The following SHISA9 variants were observed in gnomAD, a reference collection of about 807,000 sequenced individuals.
SHISA9 encodes the protein protein shisa-9.
SHISA9 carries 13 observed loss-of-function variants against 38.0 expected under a neutral mutation model. That is an observed-to-expected ratio of 0.34 (90% CI 0.22 to 0.54). The LOEUF (loss-of-function observed/expected upper bound fraction) is 0.54, where lower values mean the gene tolerates loss of function less well. Ranked by LOEUF, SHISA9 falls within the 20% of genes least tolerant of loss-of-function variation. SHISA9 has a pLI of 0.91. For synonymous variants in SHISA9, 275 were observed against 242.0 expected, an observed-to-expected ratio of 1.14 and a Z score of -1.27; for missense variants, 538 against 575.8, an observed-to-expected ratio of 0.93 and a Z score of 0.67.
chr16:13,027,682 G>T (rs1320677288), intron 2 of SHISA9, among the ~76,000 whole-genome samples: 1 of 151,940 alleles, frequency 6.6e-6, no homozygotes, highest in African/African-American at 2.4e-5. Context: ...AGTGTATAGT[G>T]TTGGGAGGCT....
intron 2 of SHISA9, among the ~76,000 whole-genome samples, chr16:13,076,030 T>A (rs2073577422): frequency 9.2e-6 from 1 of 108,148 alleles, no homozygotes; most frequent in Non-Finnish European, 1.8e-5. Flanking sequence ...GAGAAATAGA[T>A]TTTTTTTTTT....
chr16:13,466,371 C>T, the SHISA9 span, among the ~76,000 whole-genome samples: 7 of 152,100 alleles, frequency 4.6e-5, no homozygotes, highest in African/African-American at 7.2e-5. Flanking sequence ...ACAGGAGATC[C>T]GTTAGGGCAT....
the SHISA9 span, among the ~76,000 whole-genome samples, chr16:13,476,367 G>T: frequency 1.3e-5 from 2 of 152,082 alleles, no homozygotes; most frequent in Non-Finnish European, 2.9e-5. Context: ...GTCTGTTAGG[G>T]AGATGGATTT....
chr16:13,561,576 C>T, the SHISA9 span, among the ~76,000 whole-genome samples: 1 of 152,184 alleles, frequency 6.6e-6, no homozygotes, highest in Non-Finnish European at 1.5e-5. Context: ...CCAAAGCGTG[C>T]TGATCCTTCA....
chr16:13,206,771 AC>A (rs1435282234), intron 3 of SHISA9, among the ~76,000 whole-genome samples: 2 of 152,186 alleles, frequency 1.3e-5, no homozygotes, highest in African/African-American at 4.8e-5. Flanking sequence ...GCCCAGCTCA[AC>A]CCTCGTTATG....
chr16:13,499,899 C>T, the SHISA9 span, among the ~76,000 whole-genome samples: 882 of 152,296 alleles, frequency 5.8e-3, 3 homozygotes, highest in Middle Eastern at 0.048. Flanking sequence ...TGAGCAGGAA[C>T]GATGTGCCTG....
chr16:13,181,312 T>TATACAC (rs1555468744), intron 2 of SHISA9, among the ~76,000 whole-genome samples: 37 of 34,038 alleles, frequency 1.1e-3, no homozygotes, highest in South Asian at 3.3e-3. Context: ...TATATATATA[T>TATACAC]ACACACACAC....
chr16:13,422,891 G>A, the SHISA9 span, among the ~76,000 whole-genome samples: 25,664 of 152,132 alleles, frequency 0.17, 2,819 homozygotes, highest in East Asian at 0.37. Context: ...CTTATTGCAC[G>A]TGAGAGCTAA....
At chr16:12,966,864 C>T (rs970237119) in intron 2 of SHISA9, among the ~76,000 whole-genome samples, 9 of 152,202 alleles carry the variant, frequency 5.9e-5, no homozygotes, top group African/African-American at 4.8e-5. Flanking sequence ...GTTAAATATT[C>T]ATCTTCCTGT....
chr16:13,317,999 T>TC, the SHISA9 span, among the ~76,000 whole-genome samples: 1 of 13,492 alleles, frequency 7.4e-5, no homozygotes, highest in Non-Finnish European at 1.4e-4. Flanking sequence ...AAATGCCTTG[T>TC]TTTTTTTTTT....
rs117604624 is a variant in SHISA9 at position 13,014,088 on chromosome 16, G to C, written c.691+97273G>C. 6.6e-3 allele frequency among the ~76,000 whole-genome samples: 999 copies of C among 152,290 alleles called. 7 individuals are homozygous for C. The highest frequency in any genetic ancestry group is 0.02 in the Middle Eastern group (6 of 294). ...AGGAACTGTGTCAGGAGGTGCACCT[G>C]CCTCATAAGAACTCAGTGAGACAGG... On this transcript the variant is annotated intron_variant, in intron 2 of 4. Transcript: ENST00000558583.
the SHISA9 span, among the ~76,000 whole-genome samples, chr16:13,353,167 G>A: frequency 6.6e-6 from 1 of 152,144 alleles, no homozygotes; most frequent in African/African-American, 2.4e-5. Context: ...ACCTAGAGTG[G>A]GAGAGATTAA....
At chr16:13,377,180 A>C in the SHISA9 span, among the ~76,000 whole-genome samples, 1 of 152,208 alleles carries the variant, frequency 6.6e-6, no homozygotes, top group East Asian at 1.9e-4. Context: ...TCAGAGAATG[A>C]GGCTCTTATT....
At chr16:13,405,712 A>G in the SHISA9 span, among the ~76,000 whole-genome samples, 1 of 152,200 alleles carries the variant, frequency 6.6e-6, no homozygotes, top group Admixed American at 6.5e-5. Context: ...CTTATAAGCA[A>G]GAACATGTGG....
At chr16:13,185,001 A>G (rs1011491943) in intron 2 of SHISA9, among the ~76,000 whole-genome samples, 5 of 152,168 alleles carry the variant, frequency 3.3e-5, no homozygotes, top group Non-Finnish European at 5.9e-5. Flanking sequence ...AAAAGAAACT[A>G]TTTTCCCAAA....
the SHISA9 span, among the ~76,000 whole-genome samples, chr16:13,367,651 T>TGGGG: frequency 2.1e-5 from 3 of 140,678 alleles, no homozygotes; most frequent in African/African-American, 8.1e-5. Flanking sequence ...GCAAGTAGGA[T>TGGGG]GCGGGGGGGA....
the SHISA9 span, among the ~76,000 whole-genome samples, chr16:13,394,963 GTGTGTGGCTGTT>G: frequency 6.6e-6 from 1 of 151,544 alleles, no homozygotes; most frequent in Non-Finnish European, 1.5e-5. Context: ...GTGTGTGTGT[GTGTGTGGCTGTT>G]TGTGTGTGTG....
At chr16:13,221,300 T>C (rs963470753) in intron 4 of SHISA9, among the ~76,000 whole-genome samples, 1 of 152,166 alleles carries the variant, frequency 6.6e-6, no homozygotes, top group Non-Finnish European at 1.5e-5. Context: ...AAATCTTCCA[T>C]CTACTCCCTG....
At chr16:13,296,678 A>T in the SHISA9 span, among the ~76,000 whole-genome samples, 1 of 151,854 alleles carries the variant, frequency 6.6e-6, no homozygotes, top group African/African-American at 2.4e-5. Flanking sequence ...ATCACTTGAG[A>T]TCAGGAGTTC....
Sources: gnomAD v4.1 joint callset for allele counts (sites outside exome capture counted in the v4.1 genomes callset) on GRCh38, gnomAD v4.1.1 for gene constraint, MANE v1.5 for transcripts, NCBI Gene and HGNC (gene_info 2026-07-23, HGNC 2026-07-21) for gene names.